Variants in CDC14A observed in about 807,000 individuals in gnomAD.
CDC14A encodes the protein dual specificity protein phosphatase CDC14A.
Under a neutral mutation model 74.4 loss-of-function variants are expected in CDC14A, and 53 were observed. That is an observed-to-expected ratio of 0.71 (90% confidence interval 0.57 to 0.89). The LOEUF is 0.89. CDC14A is among the 40% of genes least tolerant of loss of function. The pLI is 0.00. For missense variants in CDC14A, 646 were observed against 713.7 expected, an observed-to-expected ratio of 0.91 and a Z score of 1.08; for synonymous variants, 247 against 258.4, an observed-to-expected ratio of 0.96 and a Z score of 0.43.
chr1:100,408,236 A>T (rs1660205915), intron 4 of CDC14A, among the ~76,000 whole-genome samples: 1 of 152,240 alleles, frequency 6.6e-6, no homozygotes, highest in Admixed American at 6.5e-5. Context: ...GTTCCTGCAG[A>T]GGACATGATC....
chr1:100,429,687 A>T (rs1283051525), intron 5 of CDC14A, among the ~76,000 whole-genome samples: 1 of 144,516 alleles, frequency 6.9e-6, no homozygotes, highest in Admixed American at 7.0e-5. Flanking sequence ...ACCATGGCAA[A>T]ATATATATAT....
intron 10 of CDC14A, among the ~76,000 whole-genome samples, chr1:100,475,580 T>C (rs377714180): frequency 6.6e-6 from 1 of 152,150 alleles, no homozygotes; most frequent in African/African-American, 2.4e-5. Context: ...GGTTGCCACA[T>C]TGCTACTACC....
intron 3 of CDC14A, among the ~76,000 whole-genome samples, chr1:100,388,310 C>T (rs1449266098): frequency 6.6e-6 from 1 of 152,078 alleles, no homozygotes; most frequent in Non-Finnish European, 1.5e-5. Flanking sequence ...AAATAAGTGG[C>T]AAAACCAACC....
At chr1:100,425,032 G>T (rs553053315) in intron 5 of CDC14A, among the ~76,000 whole-genome samples, 10 of 152,282 alleles carry the variant, frequency 6.6e-5, no homozygotes, top group African/African-American at 2.4e-4. Context: ...GCCAGGCATA[G>T]TGGTATGTGC....
intron 15 of CDC14A, chr1:100,504,815 G>A: frequency 6.5e-7 from 1 of 1,535,058 alleles, no homozygotes; most frequent in East Asian, 2.4e-5. Flanking sequence ...CTCCCACAGT[G>A]TTCATGCCTA....
At chr1:100,472,593 C>T (rs1419583222) in intron 10 of CDC14A, among the ~76,000 whole-genome samples, 2 of 151,780 alleles carry the variant, frequency 1.3e-5, no homozygotes, top group East Asian at 1.9e-4. Context: ...GATGAAATCC[C>T]TTTTATCACT....
chr1:100,411,100 C>T (rs998770781), intron 4 of CDC14A, among the ~76,000 whole-genome samples: 4 of 152,210 alleles, frequency 2.6e-5, no homozygotes, highest in African/African-American at 9.7e-5. Flanking sequence ...CCCTTCTCCA[C>T]TCCCCATCCT....
Position 100,498,959 on chromosome 1 carries a change from T to C in CDC14A, c.1452T>C (p.Ser484=). Residue 484 remains serine (S), a synonymous_variant, in exon 15 of 16, where the codon TCT becomes TCC. Coordinates refer to ENST00000336454, the MANE Select transcript of CDC14A (RefSeq NM_003672.4). ...SFSINSRLAS[S]LGNLNAATDD... is the part of the protein sequence containing the mutation. ...CCATAAACTCCCGGCTAGCCAGTTC[T>C]CTAGGGAACTTGAATGCTGCAACAG... 1 of 1,613,838 alleles carries C rather than the reference T, an allele frequency of 6.2e-7. No individual in the cohort carries two copies. Among genetic ancestry groups the C allele is most frequent in the Non-Finnish European group, 8.5e-7 (1 of 1,179,818 alleles).
chr1:100,402,989 C>T (rs1659474769), intron 4 of CDC14A, among the ~76,000 whole-genome samples: 1 of 152,164 alleles, frequency 6.6e-6, no homozygotes. Context: ...CGTGTACCAA[C>T]CAGGGACAAT....
intron 9 of CDC14A, among the ~76,000 whole-genome samples, chr1:100,466,906 A>G (rs1667886000): frequency 1.3e-5 from 2 of 151,024 alleles, no homozygotes; most frequent in Admixed American, 6.6e-5. Context: ...GTTAATGGGA[A>G]GGAAATGTCA....
At chr1:100,413,517 A>G (rs953436372) in intron 4 of CDC14A, among the ~76,000 whole-genome samples, 19 of 152,318 alleles carry the variant, frequency 1.2e-4, no homozygotes, top group South Asian at 6.2e-4. Flanking sequence ...TTAAGTATAT[A>G]CTCTAGTTAC....
intron 8 of CDC14A, among the ~76,000 whole-genome samples, chr1:100,461,972 A>G (rs1484638806): frequency 2.0e-5 from 3 of 152,220 alleles, no homozygotes; most frequent in Non-Finnish European, 4.4e-5. Context: ...ATGACTTTAA[A>G]GTATATAATA....
At position 100,518,308 on chromosome 1, in the gene CDC14A, C is replaced by T; in HGVS notation, c.*28C>T. On this transcript the variant is annotated 3_prime_UTR_variant, in exon 16 of 16. Transcript: ENST00000336454. ...CCTTGCCACTCCAGTGAAAGCTGTT[C>T]TTCTCTTAGACACAATTTCTTCATC... 1.9e-6 allele frequency: 3 copies of T among 1,590,598 alleles called. No homozygotes were observed. The highest frequency in any genetic ancestry group is 2.6e-6 in the Non-Finnish European group (3 of 1,159,582).
At chr1:100,373,310 T>A (rs1037755908) in intron 2 of CDC14A, among the ~76,000 whole-genome samples, 36 of 152,286 alleles carry the variant, frequency 2.4e-4, no homozygotes, top group Admixed American at 2.3e-3. Context: ...TCAGAACACA[T>A]ATGACATTTA....
chr1:100,491,086 A>G (rs1337207924), intron 11 of CDC14A, among the ~76,000 whole-genome samples: 1 of 152,204 alleles, frequency 6.6e-6, no homozygotes, highest in Non-Finnish European at 1.5e-5. Flanking sequence ...GAGGCTGTTT[A>G]TAGTGATGAA....
chr1:100,429,206 A>AAACT (rs1663318468), intron 5 of CDC14A, among the ~76,000 whole-genome samples: 1 of 113,418 alleles, frequency 8.8e-6, no homozygotes, highest in Non-Finnish European at 1.6e-5. Context: ...TCCATCTCAA[A>AAACT]AAATAAATAA....
chr1:100,348,257 G>A (rs1184239401), upstream of CDC14A, among the ~76,000 whole-genome samples: 5 of 148,802 alleles, frequency 3.4e-5, no homozygotes, highest in Non-Finnish European at 5.9e-5. Context: ...ACTCCAGCCT[G>A]GGCAACAGAG....
intron 13 of CDC14A, 93 bp from the exon 14 acceptor site, chr1:100,497,992 T>A (rs1037385488): frequency 6.6e-6 from 9 of 1,365,262 alleles, no homozygotes; most frequent in Non-Finnish European, 9.1e-6. Context: ...ATGATATCTT[T>A]AAGATTGATT....
At chr1:100,412,767 A>ATT (rs763921580) in intron 4 of CDC14A, among the ~76,000 whole-genome samples, 3,655 of 86,912 alleles carry the variant, frequency 0.042, 143 homozygotes, top group Non-Finnish European at 0.051. Context: ...ATATATATAT[A>ATT]TTATATATAT....
Sources: gnomAD v4.1 joint callset for allele counts (sites outside exome capture counted in the v4.1 genomes callset) on GRCh38, gnomAD v4.1.1 for gene constraint, MANE v1.5 for transcripts, NCBI Gene and HGNC (gene_info 2026-07-23, HGNC 2026-07-21) for gene names.